The following ZDHHC11 variants were observed in gnomAD, a reference collection of about 807,000 sequenced individuals.
ZDHHC11 encodes the protein palmitoyltransferase ZDHHC11.
Under a neutral mutation model 51.3 loss-of-function variants are expected in ZDHHC11, and 44 were observed. The ratio of observed to expected loss-of-function variants is 0.86; its 90% CI spans 0.67 to 1.10. The LOEUF (loss-of-function observed/expected upper bound fraction) is 1.10. Ranked by LOEUF, ZDHHC11 falls within the 50% of genes least tolerant of loss-of-function variation. ZDHHC11 has a pLI of 0.00. For synonymous variants in ZDHHC11, 163 were observed against 222.0 expected, an observed-to-expected ratio of 0.73 and a Z score of 2.36; for missense variants, 400 against 537.7, an observed-to-expected ratio of 0.74 and a Z score of 2.53.
chr5:815,260 T>C (rs543488939), intron 10 of ZDHHC11, among the ~76,000 whole-genome samples: 2 of 151,672 alleles, frequency 1.3e-5, no homozygotes, highest in East Asian at 3.9e-4. Context: ...CACCGTGCTC[T>C]GGGACTTCCA....
intron 11 of ZDHHC11, among the ~76,000 whole-genome samples, chr5:803,551 A>C (rs1332320864): frequency 6.6e-6 from 1 of 151,326 alleles, no homozygotes; most frequent in Non-Finnish European, 1.5e-5. Flanking sequence ...TTACCATATT[A>C]TGATACACAG....
At chr5:820,594 C>A (rs563682925) in intron 9 of ZDHHC11, among the ~76,000 whole-genome samples, 1 of 151,058 alleles carries the variant, frequency 6.6e-6, no homozygotes, top group South Asian at 2.1e-4. Flanking sequence ...AGGGGGGCTG[C>A]ACTCCACTTT....
intron 1 of ZDHHC11, among the ~76,000 whole-genome samples, chr5:850,116 G>A (rs1746930439): frequency 6.6e-6 from 1 of 152,252 alleles, no homozygotes; most frequent in Non-Finnish European, 1.5e-5. Context: ...CGGGTCCTGC[G>A]CCACGCCAGG....
chr5:824,187 G>T (rs1741963622), intron 8 of ZDHHC11: 1 of 422,010 alleles, frequency 2.4e-6, no homozygotes, highest in Admixed American at 2.7e-5. Flanking sequence ...GGCCTGGCGT[G>T]GTGGCTCACG....
At chr5:816,299 A>G (rs1740778521) in intron 10 of ZDHHC11, 1 of 299,466 alleles carries the variant, frequency 3.3e-6, no homozygotes, top group Non-Finnish European at 6.6e-6. Context: ...ATTGCTTAAC[A>G]GAAGATCACA....
intron 4 of ZDHHC11, chr5:841,307 T>G (rs1263586404): frequency 2.0e-6 from 2 of 988,208 alleles, no homozygotes; most frequent in Non-Finnish European, 2.4e-6. Flanking sequence ...AGTGCCAGGG[T>G]CACAGTGCCC....
chr5:852,937 G>GA (rs1561313204), upstream of ZDHHC11, among the ~76,000 whole-genome samples: 3 of 145,270 alleles, frequency 2.1e-5, no homozygotes, highest in African/African-American at 2.6e-5. Context: ...CGAGCCGAGG[G>GA]GACAGACCCC....
upstream of ZDHHC11, among the ~76,000 whole-genome samples, chr5:851,504 T>C (rs963006305): frequency 2.6e-5 from 4 of 152,166 alleles, no homozygotes; most frequent in African/African-American, 4.8e-5. Flanking sequence ...TGTTGTCTCT[T>C]TGGGAAAAAA....
intron 3 of ZDHHC11, among the ~76,000 whole-genome samples, chr5:844,644 C>T (rs1375761775): frequency 3.9e-5 from 6 of 152,310 alleles, no homozygotes; most frequent in African/African-American, 1.4e-4. Context: ...CCGTGGCACC[C>T]AGGAGGGCCT....
chr5:829,228 A>G (rs1742742872), intron 7 of ZDHHC11, among the ~76,000 whole-genome samples: 1 of 151,294 alleles, frequency 6.6e-6, no homozygotes. Context: ...TTCTGAAAAC[A>G]CAAACAAAAT....
chr5:796,909 T>A (rs1286280651), intron 12 of ZDHHC11, among the ~76,000 whole-genome samples: 2 of 152,178 alleles, frequency 1.3e-5, no homozygotes, highest in African/African-American at 2.4e-5. Flanking sequence ...CTAGATATTT[T>A]AAAAAATATT....
At chr5:821,973 A>G in intron 8 of ZDHHC11, 78 bp from the exon 9 acceptor site, 3 of 1,343,686 alleles carry the variant, frequency 2.2e-6, no homozygotes, top group Non-Finnish European at 3.1e-6. Context: ...GTCCATTTCT[A>G]GTCAGTTCTG....
intron 10 of ZDHHC11, among the ~76,000 whole-genome samples, chr5:815,711 AT>A (rs1740699151): frequency 6.6e-6 from 1 of 151,576 alleles, no homozygotes; most frequent in East Asian, 1.9e-4. Context: ...ATCATCTTTC[AT>A]CCCCATCAGC....
At chr5:854,963 G>GA (rs1747940282), upstream of ZDHHC11, among the ~76,000 whole-genome samples, 1 of 145,606 alleles carries the variant, frequency 6.9e-6, no homozygotes, top group African/African-American at 2.6e-5. Context: ...GAGCCGGGGG[G>GA]CACAGACCCC....
At chr5:825,377 T>C in intron 7 of ZDHHC11, 126 bp from the exon 8 acceptor site, 4 of 954,816 alleles carry the variant, frequency 4.2e-6, no homozygotes, top group Admixed American at 4.0e-5. Context: ...CAGAAACTTG[T>C]AGACCAGCAG....
intron 1 of ZDHHC11, among the ~76,000 whole-genome samples, chr5:856,886 CCACA>C (rs1003114047): frequency 6.6e-6 from 1 of 150,888 alleles, no homozygotes; most frequent in East Asian, 2.0e-4. Context: ...CCCCAAAATA[CCACA>C]CATACACCAA....
chr5:836,831 C>T (rs1298742889), intron 6 of ZDHHC11, among the ~76,000 whole-genome samples: 10 of 149,932 alleles, frequency 6.7e-5, no homozygotes, highest in African/African-American at 2.2e-4. Flanking sequence ...GAGGCCAAGG[C>T]GGGCGGATCA....
chr5:798,828 A>T (rs546871728), intron 12 of ZDHHC11, among the ~76,000 whole-genome samples: 1 of 152,060 alleles, frequency 6.6e-6, no homozygotes, highest in Admixed American at 6.5e-5. Context: ...TTTCGAAAGC[A>T]CCCTAGGAAG....
intron 11 of ZDHHC11, 73 bp from the exon 12 acceptor site, chr5:801,237 C>G: frequency 1.9e-6 from 3 of 1,578,146 alleles, no homozygotes; most frequent in Non-Finnish European, 2.6e-6. Flanking sequence ...CCAAAGTGCA[C>G]AAAATGTGTA....
Sources: allele counts gnomAD v4.1 joint callset (sites outside exome capture counted in the v4.1 genomes callset), GRCh38; gene constraint gnomAD v4.1.1; transcripts MANE v1.5; gene names NCBI Gene and HGNC (gene_info 2026-07-23, HGNC 2026-07-21).